Variants in DGKI observed in about 807,000 individuals in gnomAD.
DGKI encodes the protein diacylglycerol kinase iota.
Under a neutral mutation model 147.5 loss-of-function variants are expected in DGKI, and 55 were observed. The observed-to-expected ratio is 0.37, with a 90% CI of 0.30 to 0.47. DGKI has a LOEUF of 0.47. Among genes scored for constraint, DGKI ranks in the 20% least tolerant of loss-of-function variants. The pLI, the probability that DGKI is intolerant of heterozygous loss-of-function variation, is 1.00. For synonymous variants in DGKI, 469 were observed against 477.1 expected (o/e 0.98, Z 0.22); for missense variants, 1,007 against 1,323.8 (o/e 0.76, Z 3.71).
At chr7:137,597,092 A>G (rs1441953570) in intron 12 of DGKI, among the ~76,000 whole-genome samples, 2 of 152,242 alleles carry the variant, frequency 1.3e-5, no homozygotes, top group African/African-American at 2.4e-5. Flanking sequence ...TATCCATGAT[A>G]TTAACCTTCA....
At chr7:137,470,640 T>C (rs141067416) in intron 23 of DGKI, among the ~76,000 whole-genome samples, 1,811 of 152,260 alleles carry the variant, frequency 0.012, 30 homozygotes, top group African/African-American at 0.041. Context: ...TGATCATGGC[T>C]CACCATAGCC....
rs185931664 is a variant in DGKI at position 137,750,757 on chromosome 7, A to C, written c.402-60755T>G. On this transcript the variant is annotated intron_variant, in intron 1 of 32. Coordinates refer to ENST00000614521, the MANE Select transcript of DGKI (RefSeq NM_001321708.2). ...TGGCTTTTCAATACTTTACTCCTAC[A>C]TCTGTGACCTTGGGGACTCAGGAAG... Among the ~76,000 whole-genome samples the C allele has an allele frequency of 2.1e-4, 32 of 152,292 alleles. No homozygotes were observed. In the East Asian group the frequency reaches 6.0e-3, roughly 28 times the overall value.
At chr7:137,756,089 GCT>G (rs1305930912) in intron 1 of DGKI, among the ~76,000 whole-genome samples, 1 of 152,174 alleles carries the variant, frequency 6.6e-6, no homozygotes, top group African/African-American at 2.4e-5. Context: ...AAGAATCTGA[GCT>G]GAGAATGCAA....
chr7:137,621,077 G>A (rs1820732450), intron 7 of DGKI, among the ~76,000 whole-genome samples: 1 of 152,120 alleles, frequency 6.6e-6, no homozygotes. Context: ...ACATTAGAGA[G>A]GTTTTTGTTT....
At chr7:137,796,833 C>T (rs1473167535) in intron 1 of DGKI, among the ~76,000 whole-genome samples, 3 of 151,976 alleles carry the variant, frequency 2.0e-5, no homozygotes, top group East Asian at 1.9e-4. Context: ...AGCCAGCATA[C>T]CAACATACAT....
At chr7:137,397,924 T>C (rs568075634) in intron 30 of DGKI, among the ~76,000 whole-genome samples, 1 of 152,210 alleles carries the variant, frequency 6.6e-6, no homozygotes, top group Non-Finnish European at 1.5e-5. Context: ...CAAATGACTA[T>C]AGATGCATCC....
rs550239743 is a variant in DGKI, at chr7:137,812,547, G to T, written c.401+33915C>A. ...TCAGGCGCAATTTTGAGGTCCTTATGCTGAGCCCCTAGCATCATCACTGTA... is the reference window on the plus strand; with the variant it reads ...TCAGGCGCAATTTTGAGGTCCTTATTCTGAGCCCCTAGCATCATCACTGTA... On this transcript the variant is annotated intron_variant, in intron 1 of 32. Transcript: ENST00000614521. 6.6e-5 allele frequency among the ~76,000 whole-genome samples: 10 copies of T among 152,342 alleles called. No individual in the cohort carries two copies. The South Asian group carries it at 2.1e-3, about 32-fold the overall frequency.
intron 1 of DGKI, among the ~76,000 whole-genome samples, chr7:137,768,425 C>T (rs867862428): frequency 1.3e-5 from 2 of 152,238 alleles, no homozygotes; most frequent in South Asian, 4.1e-4. Flanking sequence ...TTTAAAAACA[C>T]ACATATTTTA....
chr7:137,593,392 CA>C (rs754012982), intron 12 of DGKI, among the ~76,000 whole-genome samples: 77 of 152,272 alleles, frequency 5.1e-4, no homozygotes, highest in Admixed American at 1.3e-3. Flanking sequence ...ACAAATTTAT[CA>C]CATGACCAAA....
At chr7:137,511,833 G>T (rs1270657211) in intron 21 of DGKI, among the ~76,000 whole-genome samples, 2 of 152,192 alleles carry the variant, frequency 1.3e-5, no homozygotes, top group Non-Finnish European at 2.9e-5. Flanking sequence ...TCTCCAGAAA[G>T]GCTGCTACCT....
chr7:137,845,888 C>T (rs908889458), intron 1 of DGKI, among the ~76,000 whole-genome samples: 2 of 152,072 alleles, frequency 1.3e-5, no homozygotes, highest in African/African-American at 4.8e-5. Context: ...CATAAACCCA[C>T]TCTTCCTTCA....
chr7:137,789,619 A>C (rs1158407527), intron 1 of DGKI, among the ~76,000 whole-genome samples: 1 of 152,242 alleles, frequency 6.6e-6, no homozygotes, highest in African/African-American at 2.4e-5. Flanking sequence ...GAAGGAGGAA[A>C]AAAAAACACA....
intron 1 of DGKI, among the ~76,000 whole-genome samples, chr7:137,811,158 C>A (rs141102495): frequency 1.3e-5 from 2 of 152,006 alleles, no homozygotes; most frequent in Non-Finnish European, 2.9e-5. Flanking sequence ...TAATAACACA[C>A]GAAAATGGGC....
chr7:137,419,849 G>C (rs1423631910), intron 28 of DGKI, among the ~76,000 whole-genome samples: 2 of 152,118 alleles, frequency 1.3e-5, no homozygotes, highest in Non-Finnish European at 2.9e-5. Flanking sequence ...ACTACTGAAG[G>C]TTTTTAACAT....
chr7:137,391,179 G>T lies in DGKI; in HGVS notation c.*41C>A, dbSNP rs1349462415. ...CTGCCCAATTGCAGGGAGGGCAGAT[G>T]TGATACGCTTGCTCATGTCCTCTTT... is the stretch of plus-strand genomic sequence containing the variant. On this transcript the variant is annotated 3_prime_UTR_variant, in exon 33 of 33. Transcript: ENST00000614521. 6 of 1,464,348 alleles carry T rather than the reference G, an allele frequency of 4.1e-6. No homozygotes were observed. In the African/African-American group the frequency reaches 5.6e-5, roughly 14 times the overall value. The allele number at this position is 1,464,348 out of a possible 1,614,324, so 90.7% of individuals were successfully genotyped here.
chr7:137,674,508 C>T (rs1311257270), intron 3 of DGKI, among the ~76,000 whole-genome samples: 3 of 152,188 alleles, frequency 2.0e-5, no homozygotes, highest in African/African-American at 4.8e-5. Context: ...TTAACAGCAG[C>T]CACTTTCACC....
In DGKI at chr7:137,432,803, G is replaced by A. The variant is rs369328911; in HGVS notation, c.2761+11274C>T. Among the ~76,000 whole-genome samples, 23 of 152,284 alleles carry A rather than the reference G, an allele frequency of 1.5e-4. No homozygotes were observed. The South Asian group carries it at 4.4e-3, about 29-fold the overall frequency. ...AACAATACTATGGGGTCATTAGGTA[G>A]TAATACAAGGTCCTTCCTTCCCAAT... On this transcript the variant is annotated intron_variant, in intron 28 of 32. Transcript: ENST00000614521.
chr7:137,431,708 C>T (rs908772530), intron 28 of DGKI, among the ~76,000 whole-genome samples: 1 of 152,196 alleles, frequency 6.6e-6, no homozygotes, highest in Non-Finnish European at 1.5e-5. Flanking sequence ...TTAGTGTTCT[C>T]TCCTGGCTCA....
Position 137,816,691 on chromosome 7 carries a change from GT to G in DGKI, c.401+29770del, listed in dbSNP as rs1585527782. On this transcript the variant is annotated intron_variant, in intron 1 of 32. Coordinates refer to ENST00000614521, the MANE Select transcript of DGKI (RefSeq NM_001321708.2). ...ATATAACATTAGATGGTATCAAAAG[GT>G]ATAAAGACAAAAAACATTGTTTTGT... 2.0e-5 allele frequency among the ~76,000 whole-genome samples: 3 copies of G among 152,232 alleles called. No homozygotes were observed. The East Asian group carries it at 5.8e-4, about 29-fold the overall frequency.
Sources: gnomAD v4.1 joint callset for allele counts (sites outside exome capture counted in the v4.1 genomes callset) on GRCh38, gnomAD v4.1.1 for gene constraint, MANE v1.5 for transcripts, NCBI Gene and HGNC (gene_info 2026-07-23, HGNC 2026-07-21) for gene names.